The following CCNI variants were observed in gnomAD, a reference collection of about 807,000 sequenced individuals.
CCNI encodes cyclin I.
In CCNI, 14 loss-of-function variants were observed where a neutral mutation model predicts 34.1. That is an observed-to-expected ratio of 0.41 (90% CI 0.27 to 0.64). The LOEUF (loss-of-function observed/expected upper bound fraction) is 0.64, where lower values mean the gene tolerates loss of function less well. Among genes scored for constraint, CCNI ranks in the 30% least tolerant of loss-of-function variants. CCNI has a pLI of 0.31. For missense variants in CCNI, 385 were observed against 440.5 expected (o/e 0.87, Z 1.13); for synonymous variants, 154 against 158.4 (o/e 0.97, Z 0.21).
intron 2 of CCNI, among the ~76,000 whole-genome samples, chr4:77,059,234 G>A (rs913497849): frequency 1.3e-5 from 2 of 151,686 alleles, no homozygotes; most frequent in Non-Finnish European, 2.9e-5. Flanking sequence ...AAACATTATT[G>A]TTTTATTGTT....
intron 6 of CCNI, among the ~76,000 whole-genome samples, chr4:77,053,750 T>TA (rs1450586782): frequency 1.3e-5 from 2 of 152,238 alleles, no homozygotes; most frequent in Non-Finnish European, 2.9e-5. Flanking sequence ...CCTATTCCTC[T>TA]ACTTCACAGT....
chr4:77,051,080 CAG>C (rs1189408388), intron 6 of CCNI, among the ~76,000 whole-genome samples: 6 of 152,154 alleles, frequency 3.9e-5, no homozygotes, highest in African/African-American at 9.7e-5. Context: ...TAATACCTAA[CAG>C]AATGCCTACA....
At chr4:77,075,050 G>A (rs1042221889) in intron 1 of CCNI, 2 of 141,802 alleles carry the variant, frequency 1.4e-5, no homozygotes, top group Non-Finnish European at 3.0e-5. Context: ...CATTCAGTCT[G>A]CCGTGCAAAG....
At position 77,075,495 on chromosome 4, in the gene CCNI, C is replaced by T; in HGVS notation, c.-67G>A. 4.1e-6 allele frequency: 4 copies of T among 986,032 alleles called. No homozygotes were observed. Among genetic ancestry groups the T allele is most frequent in the Non-Finnish European group, 4.8e-6 (4 of 828,596 alleles). The allele number at this position is 986,032 out of a possible 1,614,324, so 61.1% of individuals were successfully genotyped here. On this transcript the variant is annotated 5_prime_UTR_variant, in exon 1 of 7. Transcript: ENST00000237654. ...ACCTTCTCCTCCTCTTCCTCCTCCT[C>T]CTCCTCCCCGGCAGAGCTGTAGGCC...
intron 2 of CCNI, among the ~76,000 whole-genome samples, chr4:77,061,796 G>T (rs369282845): frequency 1.3e-5 from 2 of 151,958 alleles, no homozygotes; most frequent in Admixed American, 6.6e-5. Flanking sequence ...CAGCCTCCTG[G>T]GTAGCTGGGA....
intron 2 of CCNI, among the ~76,000 whole-genome samples, chr4:77,062,948 T>C (rs1359068580): frequency 6.6e-6 from 1 of 152,196 alleles, no homozygotes; most frequent in African/African-American, 2.4e-5. Context: ...ATAATCACCA[T>C]TCACTTAAAT....
At position 77,075,813 on chromosome 4, in the gene CCNI, G is replaced by C. The variant is rs1729918878; in HGVS notation, c.-385C>G. 6.6e-6 allele frequency: 1 copy of C among 152,196 alleles called. No homozygotes were observed. The highest frequency in any genetic ancestry group is 1.5e-5 in the Non-Finnish European group (1 of 68,156). 9.4% of individuals were successfully genotyped at this position (152,196 alleles called of 1,614,324 possible). A position where few individuals can be genotyped will look rare whatever the true frequency, so the allele number is the denominator to read the frequency against. On this transcript the variant is annotated 5_prime_UTR_variant, in exon 1 of 7. Transcript: ENST00000237654. ...GCGGCGGGGGCCGGGGAGAGGCGGG[G>C]GGTGAGACCGGCTCTGCCCCTGCCC...
At chr4:77,069,562 T>C (rs1729304886) in intron 1 of CCNI, among the ~76,000 whole-genome samples, 2 of 150,684 alleles carry the variant, frequency 1.3e-5, no homozygotes, top group Admixed American at 6.6e-5. Context: ...TTACATTAGG[T>C]ATATCTCCTA....
chr4:77,061,595 C>G (rs1297242742), intron 2 of CCNI, among the ~76,000 whole-genome samples: 5 of 152,180 alleles, frequency 3.3e-5, no homozygotes, highest in African/African-American at 1.2e-4. Flanking sequence ...AAAAGGTTCA[C>G]CATTACCTAA....
At chr4:77,066,881 C>A (rs73829813) in intron 1 of CCNI, among the ~76,000 whole-genome samples, 3 of 152,152 alleles carry the variant, frequency 2.0e-5, no homozygotes, top group East Asian at 1.9e-4. Context: ...TCTTAAATTG[C>A]GCTTCCAATT....
At chr4:77,069,070 CTT>C (rs1729263807) in intron 1 of CCNI, among the ~76,000 whole-genome samples, 1 of 152,274 alleles carries the variant, frequency 6.6e-6, no homozygotes, top group South Asian at 2.1e-4. Flanking sequence ...TCTAAAAACT[CTT>C]GATTCTTTAA....
intron 1 of CCNI, among the ~76,000 whole-genome samples, chr4:77,073,257 T>C (rs1031336916): frequency 1.3e-5 from 2 of 152,214 alleles, no homozygotes; most frequent in African/African-American, 4.8e-5. Flanking sequence ...TTCTCCTTTC[T>C]CCACGGTTAT....
intron 2 of CCNI, among the ~76,000 whole-genome samples, chr4:77,062,071 T>C (rs1728645103): frequency 6.6e-6 from 1 of 152,160 alleles, no homozygotes; most frequent in Non-Finnish European, 1.5e-5. Flanking sequence ...CCCCTGGTAT[T>C]TTACGTTACT....
rs1257929436 is a variant in CCNI, at chr4:77,048,598, G to A, written c.755C>T (p.Ser252Phe). The part of the protein sequence containing the change: ...LVAHHLSTLQ[S>F]SLPLNSVYVY... Reference sequence around the variant, plus strand: ...ATAAACGGAATTCAGAGGCAGGGAAGACTGCAGAGTAGAAAGGTGATGTGC... The same window carrying A: ...ATAAACGGAATTCAGAGGCAGGGAAAACTGCAGAGTAGAAAGGTGATGTGC... The change falls in exon 7 of 7, where the codon TCT becomes TTT. Residue 252 changes from serine to phenylalanine, a missense_variant. Around this residue, in one of 2 missense-constraint regions of CCNI, gnomAD observed 250 missense variants for 248.7 expected, o/e 1.01. Coordinates refer to ENST00000237654, the MANE Select transcript of CCNI (RefSeq NM_006835.3). 1.2e-6 allele frequency: 2 copies of A among 1,604,492 alleles called. No individual in the cohort carries two copies. The highest frequency in any genetic ancestry group is 2.2e-5 in the East Asian group (1 of 44,782).
chr4:77,062,080 C>T (rs1728645739), intron 2 of CCNI, among the ~76,000 whole-genome samples: 1 of 152,102 alleles, frequency 6.6e-6, no homozygotes, highest in Non-Finnish European at 1.5e-5. Context: ...TTTTACGTTA[C>T]TGCTCCTTTG....
intron 1 of CCNI, among the ~76,000 whole-genome samples, chr4:77,069,432 T>C (rs553150030): frequency 4.1e-5 from 6 of 145,594 alleles, no homozygotes; most frequent in South Asian, 2.1e-4. Flanking sequence ...ATCATTTTTA[T>C]ATATATATAT....
At chr4:77,059,914 T>G (rs1315889172) in intron 2 of CCNI, among the ~76,000 whole-genome samples, 1 of 152,136 alleles carries the variant, frequency 6.6e-6, no homozygotes, top group African/African-American at 2.4e-5. Context: ...AAAAGTAATG[T>G]TAACTAAGCC....
At chr4:77,050,882 A>C (rs1367909501) in intron 6 of CCNI, among the ~76,000 whole-genome samples, 1 of 152,082 alleles carries the variant, frequency 6.6e-6, no homozygotes. Context: ...AAAAGGGGCT[A>C]TAGTGTAGAA....
At chr4:77,072,760 G>C (rs1174207022) in intron 1 of CCNI, among the ~76,000 whole-genome samples, 1 of 151,906 alleles carries the variant, frequency 6.6e-6, no homozygotes, top group East Asian at 1.9e-4. Context: ...TGAGATAATT[G>C]GGACGGTAGA....
Sources: gnomAD v4.1 joint callset for allele counts (sites outside exome capture counted in the v4.1 genomes callset) on GRCh38, gnomAD v4.1.1 for gene constraint, gnomAD v4.1.1 regional missense constraint, MANE v1.5 for transcripts, NCBI Gene and HGNC (gene_info 2026-07-23, HGNC 2026-07-21) for gene names.